The following PNPLA6 variants were observed in gnomAD, a reference collection of about 807,000 sequenced individuals.
The protein encoded by PNPLA6 is patatin-like phospholipase domain-containing protein 6.
PNPLA6 carries 105 observed loss-of-function variants against 153.7 expected under a neutral mutation model. That is an observed-to-expected ratio of 0.68 (90% CI 0.58 to 0.80). The LOEUF (loss-of-function observed/expected upper bound fraction) is 0.80. PNPLA6 is among the 30% of genes least tolerant of loss of function. The pLI is 0.00. For missense variants in PNPLA6, 1,423 were observed against 1,919.3 expected, an observed-to-expected ratio of 0.74 and a Z score of 4.83; for synonymous variants, 825 against 822.2, an observed-to-expected ratio of 1.00 and a Z score of -0.06.
At chr19:7,537,882 C>T (rs1009354335) in intron 3 of PNPLA6, among the ~76,000 whole-genome samples, 22 of 152,072 alleles carry the variant, frequency 1.4e-4, no homozygotes, top group Non-Finnish European at 3.2e-4. Flanking sequence ...CCTTGTGATC[C>T]GTCCGCCTCG....
At chr19:7,558,744 T>C (rs113564718) in intron 27 of PNPLA6, 106 bp from the exon 28 acceptor site, 1 of 796,672 alleles carries the variant, frequency 1.3e-6, no homozygotes, top group Non-Finnish European at 2.1e-6. Flanking sequence ...ATTCTCTCTT[T>C]TTTTTTTGCG....
At chr19:7,537,071 A>G (rs1025603786) in intron 3 of PNPLA6, among the ~76,000 whole-genome samples, 10 of 152,054 alleles carry the variant, frequency 6.6e-5, no homozygotes, top group Admixed American at 5.2e-4. Context: ...GGGCTACCTC[A>G]GTGACCTTCT....
chr19:7,550,985 G>GC lies in PNPLA6; in HGVS notation c.2071-3dup, dbSNP rs1568416371. ...CCAAGCAGCCCCAATCATGCACGCGGCCCCCCAGGTGGAGGCACTGACCCG... is the reference window on the plus strand; with the variant it reads ...CCAAGCAGCCCCAATCATGCACGCGGCCCCCCCAGGTGGAGGCACTGACCCG... On this transcript the variant is annotated splice_polypyrimidine_tract_variant and intron_variant, in intron 16 of 31. Transcript: ENST00000600737. 2 of 1,531,582 alleles carry GC rather than the reference G, an allele frequency of 1.3e-6. No individual in the cohort carries two copies. The highest frequency in any genetic ancestry group is 8.8e-7 in the Non-Finnish European group (1 of 1,135,836). The allele number at this position is 1,531,582 out of a possible 1,614,324, so 94.9% of individuals were successfully genotyped here. A position where few individuals can be genotyped will look rare whatever the true frequency, so the allele number is the denominator to read the frequency against.
chr19:7,554,298 A>C, intron 20 of PNPLA6, 26 bp downstream of exon 20: 4 of 1,438,752 alleles, frequency 2.8e-6, no homozygotes, highest in Non-Finnish European at 3.9e-6. Context: ...GGGAGTGGGG[A>C]GGGTGGTGGG....
In PNPLA6 at chr19:7,535,808, G is replaced by A. The variant is rs1019685884; in HGVS notation, c.20G>A (p.Gly7Glu). The A allele has an allele frequency of 3.3e-6, 5 of 1,536,480 alleles. No homozygotes were observed. Among genetic ancestry groups the A allele is most frequent in the Admixed American group, 2.0e-5 (1 of 50,970 alleles). The change falls in exon 1 of 32, where the codon GGG (glycine) becomes GAG (glutamate). Residue 7 changes from glycine (G) to glutamate (E), a missense_variant. Gly to Glu is a moderately conservative substitution (Grantham distance 98). Coordinates refer to ENST00000600737, the MANE Select transcript of PNPLA6 (RefSeq NM_001166114.2). The surrounding 1 kb of genome is among the most constrained non-coding windows in gnomAD (Gnocchi z 5.0). ...CTGCAGATGGGGACATCGAGTCACG[G>A]GCTGGCTACGAACTCCTCGGGGGCG... MGTSSH[G>E]LATNSSGAKV...
intron 13 of PNPLA6, among the ~76,000 whole-genome samples, chr19:7,545,555 A>G (rs1487927304): frequency 2.6e-5 from 4 of 152,160 alleles, no homozygotes; most frequent in Admixed American, 2.6e-4. Flanking sequence ...TACCCAAAGA[A>G]GAAAGAAACG....
intron 26 of PNPLA6, 176 bp from the exon 27 acceptor site, chr19:7,556,992 A>T: frequency 4.0e-6 from 3 of 742,124 alleles, no homozygotes; most frequent in Non-Finnish European, 7.3e-6. Context: ...CGTCCGGGCC[A>T]GCGCCTCCTA....
chr19:7,557,050 TG>T (rs2023911031), intron 26 of PNPLA6, 117 bp from the exon 27 acceptor site: 1 of 865,876 alleles, frequency 1.2e-6, no homozygotes, highest in Non-Finnish European at 2.0e-6. Flanking sequence ...GGGCACCTGC[TG>T]GTGGACGGGT....
At chr19:7,553,305 G>A (rs1386992167) in intron 18 of PNPLA6, among the ~76,000 whole-genome samples, 1 of 152,202 alleles carries the variant, frequency 6.6e-6, no homozygotes, top group Admixed American at 6.5e-5. Context: ...AGGCTGGAGT[G>A]CAGTGGCACG....
chr19:7,542,886 C>A lies in PNPLA6; in HGVS notation c.1488C>A (p.Phe496Leu). Residue 496 changes from phenylalanine (F) to leucine (L), a missense_variant, in exon 12 of 32, where the codon TTC (phenylalanine) becomes TTA (leucine). By Grantham distance (22) the Phe-to-Leu change is conservative (BLOSUM62 0). Transcript: ENST00000600737. ...AGGGCCGCCAGACCAGCAGCATCTT[C>A]GAGGCAGCAAAGCAGGAGCTGGCCA... ...PYQGRQTSSIFEAAKQELAKL... is the reference protein window; with the variant it reads ...PYQGRQTSSILEAAKQELAKL... The A allele has an allele frequency of 6.2e-7, 1 of 1,613,426 alleles. No homozygotes were observed. Among genetic ancestry groups the A allele is most frequent in the Non-Finnish European group, 8.5e-7 (1 of 1,179,888 alleles).
At chr19:7,554,793 G>A (rs2146102396) in intron 21 of PNPLA6, 70 bp downstream of exon 21, 1 of 1,593,374 alleles carries the variant, frequency 6.3e-7, no homozygotes, top group East Asian at 2.2e-5. Flanking sequence ...GCCTGCACCA[G>A]GCCACGTGCA....
Position 7,555,048 on chromosome 19 carries a change from CTT to C in PNPLA6, c.2793_2794del (p.Ser932AlafsTer9). On this transcript the variant is annotated frameshift_variant, in exon 22 of 32. Coordinates refer to ENST00000600737, the MANE Select transcript of PNPLA6 (RefSeq NM_001166114.2). LOFTEE classifies it high-confidence loss of function. The surrounding 1 kb of genome is among the most constrained non-coding windows in gnomAD (Gnocchi z 6.3). ...TGCACCTGCGCTGTCCGCGCCGCCT[CTT>C]TTCGCGCCGCAGCCCTGCCAAGCTG... is the stretch of plus-strand genomic sequence containing the variant. ...HLHLRCPRRL[F>X]SRRSPAKLHE... 1 of 1,593,386 alleles carries C rather than the reference CTT, an allele frequency of 6.3e-7. No homozygotes were observed. Among genetic ancestry groups the C allele is most frequent in the Non-Finnish European group, 8.5e-7 (1 of 1,178,190 alleles).
intron 26 of PNPLA6, 99 bp from the exon 27 acceptor site, chr19:7,557,069 T>G: frequency 1.1e-6 from 1 of 910,344 alleles, no homozygotes; most frequent in Non-Finnish European, 1.8e-6. Context: ...GGTGCTACGT[T>G]AACAACGTCC....
intron 27 of PNPLA6, among the ~76,000 whole-genome samples, chr19:7,558,126 G>A (rs778219843): frequency 1.3e-5 from 2 of 152,196 alleles, no homozygotes; most frequent in Non-Finnish European, 2.9e-5. Context: ...GATAGGATGC[G>A]GCACCTCTGA....
At chr19:7,560,977 G>GC (rs775226137) in intron 29 of PNPLA6, 37 bp from the exon 30 acceptor site, 5 of 1,415,990 alleles carry the variant, frequency 3.5e-6, no homozygotes, top group East Asian at 2.4e-5. Flanking sequence ...AGACTCTGTG[G>GC]GCCCCCCCTA....
At chr19:7,535,539 T>A, upstream of PNPLA6, 1 of 1,601,028 alleles carries the variant, frequency 6.2e-7, no homozygotes, top group Non-Finnish European at 8.5e-7. This position sits in a 1 kb window ranked among gnomAD's most constrained non-coding sequence, Gnocchi z 5.0. Context: ...GCCGTCCAGC[T>A]GGAATCAACC....
At chr19:7,554,758 C>T in intron 21 of PNPLA6, 35 bp downstream of exon 21, 1 of 1,606,500 alleles carries the variant, frequency 6.2e-7, no homozygotes, top group Non-Finnish European at 8.5e-7. Flanking sequence ...TCACCCACCT[C>T]GGGTCCCGTC....
At position 7,551,056 on chromosome 19, in the gene PNPLA6, G is replaced by A. The variant is rs113335442; in HGVS notation, c.2133G>A (p.Leu711=). 1.3e-3 allele frequency: 1,990 copies of A among 1,550,004 alleles called. 24 individuals are homozygous for A. The African/African-American group carries it at 0.025, about 19-fold the overall frequency. Residue 711 remains leucine (L), a synonymous_variant, in exon 17 of 32, where the codon CTG becomes CTA. Transcript: ENST00000600737. ...TTVHAVRDTE[L]AKLPEGTLGH... The stretch of plus-strand genomic sequence containing the variant: ...TGCACGCGGTGCGCGACACGGAGCT[G>A]GCCAAGCTTCCCGAGGGCACCTTGG...
At chr19:7,539,477 G>C (rs1209971479) in intron 3 of PNPLA6, among the ~76,000 whole-genome samples, 1 of 148,750 alleles carries the variant, frequency 6.7e-6, no homozygotes, top group Non-Finnish European at 1.5e-5. Context: ...AGACTCCTGA[G>C]GCAGGGCACA....
Sources: allele counts gnomAD v4.1 joint callset (sites outside exome capture counted in the v4.1 genomes callset), GRCh38; gene constraint gnomAD v4.1.1; non-coding constraint Gnocchi (gnomAD v3.1); transcripts MANE v1.5; gene names NCBI Gene and HGNC (gene_info 2026-07-23, HGNC 2026-07-21).